Variants in IMMP2L observed in about 807,000 individuals in gnomAD.
IMMP2L encodes inner mitochondrial membrane peptidase subunit 2.
In IMMP2L, 18 loss-of-function variants were observed where a neutral mutation model predicts 19.3. That is an observed-to-expected ratio of 0.93 (90% CI 0.64 to 1.38). The LOEUF (loss-of-function observed/expected upper bound fraction) is 1.38. Ranked by LOEUF, IMMP2L falls within the 40% of genes most tolerant of loss-of-function variation. The pLI is 0.00. For synonymous variants in IMMP2L, 76 were observed against 73.0 expected (o/e 1.04, Z -0.21); for missense variants, 233 against 218.2 (o/e 1.07, Z -0.43).
At chr7:111,242,175 G>A (rs937114416) in intron 3 of IMMP2L, among the ~76,000 whole-genome samples, 1 of 152,026 alleles carries the variant, frequency 6.6e-6, no homozygotes, top group African/African-American at 2.4e-5. Flanking sequence ...TAGGAAAATA[G>A]AGATAGCAAA....
At chr7:110,815,115 C>G (rs1584913658) in intron 5 of IMMP2L, among the ~76,000 whole-genome samples, 1 of 152,126 alleles carries the variant, frequency 6.6e-6, no homozygotes, top group Non-Finnish European at 1.5e-5. Context: ...TCATAGATAG[C>G]TCCTATTATT....
At chr7:111,416,947 C>A (rs977346474) in intron 3 of IMMP2L, among the ~76,000 whole-genome samples, 1 of 151,438 alleles carries the variant, frequency 6.6e-6, no homozygotes, top group Non-Finnish European at 1.5e-5. Flanking sequence ...TATATACTAT[C>A]CAATACAGTA....
At chr7:111,189,337 G>T (rs558737918) in intron 3 of IMMP2L, among the ~76,000 whole-genome samples, 2 of 146,812 alleles carry the variant, frequency 1.4e-5, no homozygotes, top group Non-Finnish European at 3.0e-5. Context: ...ACTATTAAAA[G>T]ACATCAGTGC....
intron 3 of IMMP2L, among the ~76,000 whole-genome samples, chr7:111,010,483 C>T (rs545727487): frequency 2.0e-5 from 3 of 152,208 alleles, no homozygotes; most frequent in Admixed American, 1.3e-4. Flanking sequence ...TACATCCTAA[C>T]AGGTATAAGC....
At position 110,963,499 on chromosome 7, in the gene IMMP2L, C is replaced by T; in HGVS notation, c.305+1G>A. 1 of 1,588,192 alleles carries T rather than the reference C, an allele frequency of 6.3e-7. No homozygotes were observed. The highest frequency in any genetic ancestry group is 8.6e-7 in the Non-Finnish European group (1 of 1,159,808). ...ACTCAGAAACAACAGTAAATACTTA[C>T]CTGACAATATCTCCTTCAAGAGCAA... On this transcript the variant is annotated splice_donor_variant, in intron 4 of 5. Coordinates refer to ENST00000405709, the MANE Select transcript of IMMP2L (RefSeq NM_032549.4). LOFTEE classifies it high-confidence loss of function.
chr7:111,271,687 C>T (rs1212280122), intron 3 of IMMP2L, among the ~76,000 whole-genome samples: 1 of 152,134 alleles, frequency 6.6e-6, no homozygotes, highest in African/African-American at 2.4e-5. Context: ...TACATCCACA[C>T]AGATGCCTGC....
intron 3 of IMMP2L, among the ~76,000 whole-genome samples, chr7:111,122,128 C>T (rs1444204144): frequency 6.6e-6 from 1 of 151,446 alleles, no homozygotes; most frequent in Non-Finnish European, 1.5e-5. Flanking sequence ...TGTTAAATGA[C>T]GAGTTAATGG....
intron 3 of IMMP2L, among the ~76,000 whole-genome samples, chr7:111,303,738 A>T (rs112969964): frequency 0.034 from 5,150 of 152,148 alleles, 288 homozygotes; most frequent in African/African-American, 0.12. Context: ...TCTCTGTACA[A>T]TTTTTAAAAA....
intron 3 of IMMP2L, among the ~76,000 whole-genome samples, chr7:111,367,594 C>A (rs1191326786): frequency 6.6e-6 from 1 of 151,744 alleles, no homozygotes; most frequent in East Asian, 1.9e-4. Flanking sequence ...ACTTGATATT[C>A]ATTATATCTT....
chr7:111,109,890 C>T (rs1475257656), intron 3 of IMMP2L, among the ~76,000 whole-genome samples: 1 of 152,182 alleles, frequency 6.6e-6, no homozygotes, highest in Non-Finnish European at 1.5e-5. Context: ...AATTCCAGCA[C>T]TTTGGGAGGC....
chr7:110,953,863 A>T (rs909320187), intron 4 of IMMP2L, among the ~76,000 whole-genome samples: 1 of 152,086 alleles, frequency 6.6e-6, no homozygotes, highest in Non-Finnish European at 1.5e-5. Flanking sequence ...CGCCATTCTA[A>T]GTGACGTGAG....
intron 1 of IMMP2L, among the ~76,000 whole-genome samples, chr7:111,558,108 G>A (rs140019389): frequency 5.5e-4 from 83 of 152,216 alleles, no homozygotes; most frequent in African/African-American, 1.8e-3. Context: ...AGTTTCCAGC[G>A]GAACAGTTGA....
At chr7:111,225,786 G>T (rs1281223380) in intron 3 of IMMP2L, among the ~76,000 whole-genome samples, 1 of 151,020 alleles carries the variant, frequency 6.6e-6, no homozygotes, top group African/African-American at 2.4e-5. Flanking sequence ...AAGAAGACTT[G>T]TGCACATTAC....
chr7:111,223,428 C>T (rs1473210474), intron 3 of IMMP2L, among the ~76,000 whole-genome samples: 1 of 152,116 alleles, frequency 6.6e-6, no homozygotes, highest in African/African-American at 2.4e-5. Context: ...TAATTAAGCA[C>T]AATGAACTCT....
At chr7:110,773,308 C>G (rs905213354) in intron 5 of IMMP2L, among the ~76,000 whole-genome samples, 1 of 152,106 alleles carries the variant, frequency 6.6e-6, no homozygotes, top group African/African-American at 2.4e-5. Context: ...CTGCTTCAAG[C>G]AAAGAGCACT....
chr7:110,715,260 T>A (rs1187838868), intron 5 of IMMP2L, among the ~76,000 whole-genome samples: 1 of 152,170 alleles, frequency 6.6e-6, no homozygotes, highest in Non-Finnish European at 1.5e-5. Context: ...GGGGTTTCAA[T>A]TGCTTTCACT....
chr7:111,155,648 T>C (rs893082675), intron 3 of IMMP2L, among the ~76,000 whole-genome samples: 1 of 150,648 alleles, frequency 6.6e-6, no homozygotes, highest in African/African-American at 2.4e-5. Context: ...TTGTGTGCAT[T>C]GTCATGGAAA....
chr7:110,874,523 T>C (rs953609390), intron 5 of IMMP2L, among the ~76,000 whole-genome samples: 1 of 152,082 alleles, frequency 6.6e-6, no homozygotes, highest in Non-Finnish European at 1.5e-5. Flanking sequence ...AATATTATTA[T>C]ACCAAACATA....
chr7:110,965,650 C>G (rs1319065781), intron 3 of IMMP2L, among the ~76,000 whole-genome samples: 2 of 151,840 alleles, frequency 1.3e-5, no homozygotes, highest in Admixed American at 1.3e-4. Context: ...ACTTATAGAC[C>G]TTTTAGAAAA....
Sources: gnomAD v4.1 joint callset for allele counts (sites outside exome capture counted in the v4.1 genomes callset) on GRCh38, gnomAD v4.1.1 for gene constraint, MANE v1.5 for transcripts, NCBI Gene and HGNC (gene_info 2026-07-23, HGNC 2026-07-21) for gene names.